GIGYF2: variants seen among roughly 807,000 people sequenced by gnomAD.
GIGYF2 encodes the protein GRB10 interacting GYF protein 2, also known as GRB10-interacting GYF protein 2.
GIGYF2 carries 25 observed loss-of-function variants against 208.1 expected under a neutral mutation model. That is an observed-to-expected ratio of 0.12 (90% CI 0.09 to 0.17). The LOEUF (loss-of-function observed/expected upper bound fraction) is 0.17, where lower values mean the gene tolerates loss of function less well. Among genes scored for constraint, GIGYF2 ranks in the 10% least tolerant of loss-of-function variants. The pLI, the probability that GIGYF2 is intolerant of heterozygous loss-of-function variation, is 1.00. For missense variants in GIGYF2, 1,302 were observed against 1,579.4 expected (o/e 0.82, Z 2.98); for synonymous variants, 534 against 543.8 (o/e 0.98, Z 0.25).
Position 232,826,322 on chromosome 2 carries a change from G to A in GIGYF2, c.2529+6337G>A, listed in dbSNP as rs1417365256. On this transcript the variant is annotated intron_variant, in intron 21 of 28. Coordinates refer to ENST00000373563, the MANE Select transcript of GIGYF2 (RefSeq NM_001103146.3). ...GAACTAATTTACACTCCCACCAACA[G>A]TGTAAAAGCATTCCTATTTCTCCAC... Among the ~76,000 whole-genome samples, 5 of 152,186 alleles carry A rather than the reference G, an allele frequency of 3.3e-5. 1 individual carries two copies. The highest frequency in any genetic ancestry group is 3.3e-4 in the Admixed American group (5 of 15,276).
At chr2:232,855,337 C>T (rs151234664) in intron 28 of GIGYF2, among the ~76,000 whole-genome samples, 2 of 152,322 alleles carry the variant, frequency 1.3e-5, no homozygotes, top group Non-Finnish European at 2.9e-5. Flanking sequence ...ATCCACCCAC[C>T]TCGGCCTCCA....
chr2:232,729,488 A>G (rs1266375086), intron 2 of GIGYF2: 3 of 1,127,742 alleles, frequency 2.7e-6, no homozygotes, highest in East Asian at 5.3e-5. Flanking sequence ...TAACCTCTCA[A>G]GCTTTTATTT....
intron 23 of GIGYF2, among the ~76,000 whole-genome samples, chr2:232,843,215 G>A: frequency 6.7e-6 from 1 of 149,756 alleles, no homozygotes; most frequent in Non-Finnish European, 1.5e-5. Flanking sequence ...GCTTTAGGAA[G>A]TAAACATGTG....
rs112060477 is a variant in GIGYF2 at position 232,853,744 on chromosome 2, C to T, written c.3833-3049C>T. 5.7e-3 allele frequency among the ~76,000 whole-genome samples: 871 copies of T among 152,324 alleles called. 2 individuals are homozygous for T. Among genetic ancestry groups the T allele is most frequent in the African/African-American group, 0.02 (830 of 41,568 alleles). ...CTATGCTCTGAACCTCACAGAATGT[C>T]ATCTTTAGAGCCAGGCATAGTGGAT... On this transcript the variant is annotated intron_variant, in intron 28 of 28. Transcript: ENST00000373563.
At chr2:232,790,220 A>G (rs1700030420) in intron 9 of GIGYF2, among the ~76,000 whole-genome samples, 1 of 152,214 alleles carries the variant, frequency 6.6e-6, no homozygotes, top group African/African-American at 2.4e-5. Context: ...TGAGTTTGAT[A>G]TAAGTCAACA....
intron 3 of GIGYF2, among the ~76,000 whole-genome samples, chr2:232,737,907 CTTTTTTTTTT>C (rs11320395): frequency 3.5e-5 from 3 of 85,218 alleles, no homozygotes; most frequent in African/African-American, 1.4e-4. Context: ...TAAGCTTTAA[CTTTTTTTTTT>C]TTTTTTTTTT....
chr2:232,844,685 C>T (rs943587959), intron 25 of GIGYF2, 111 bp downstream of exon 25: 7 of 741,036 alleles, frequency 9.4e-6, no homozygotes, highest in African/African-American at 8.6e-5. Context: ...TTTTGCTTAC[C>T]GTTTTCATCT....
chr2:232,811,082 CTA>C (rs1700719960), intron 16 of GIGYF2, 160 bp from the exon 17 acceptor site: 2 of 593,934 alleles, frequency 3.4e-6, no homozygotes, highest in Admixed American at 2.7e-5. Context: ...ATAGAATTTT[CTA>C]TGTGTCTATT....
Position 232,741,071 on chromosome 2 carries a change from A to T in GIGYF2, c.41+5833A>T, listed in dbSNP as rs551332621. On this transcript the variant is annotated intron_variant, in intron 3 of 28. Coordinates refer to ENST00000373563, the MANE Select transcript of GIGYF2 (RefSeq NM_001103146.3). Reference sequence around the variant, plus strand: ...TCACTTTGTCATAATGCTGTAAAGGAATTATAATGCAAGCACGGGATATTC... The same window carrying T: ...TCACTTTGTCATAATGCTGTAAAGGTATTATAATGCAAGCACGGGATATTC... Among the ~76,000 whole-genome samples, 4 of 152,344 alleles carry T rather than the reference A, an allele frequency of 2.6e-5. No homozygotes were observed. The South Asian group carries it at 8.3e-4, about 32-fold the overall frequency.
chr2:232,739,964 A>T (rs1464123919), intron 3 of GIGYF2, among the ~76,000 whole-genome samples: 1 of 134,006 alleles, frequency 7.5e-6, no homozygotes, highest in Admixed American at 7.5e-5. Flanking sequence ...AAAAAATTAC[A>T]AAAATTAGCT....
intron 3 of GIGYF2, among the ~76,000 whole-genome samples, chr2:232,739,661 G>A (rs1354078854): frequency 6.6e-6 from 1 of 151,872 alleles, no homozygotes; most frequent in East Asian, 1.9e-4. Flanking sequence ...GATAGAGCAA[G>A]ACCCTGTCTC....
chr2:232,800,799 C>T (rs763825836), intron 14 of GIGYF2, among the ~76,000 whole-genome samples: 6 of 151,930 alleles, frequency 3.9e-5, no homozygotes, highest in Non-Finnish European at 7.4e-5. Context: ...GCCTGTAATC[C>T]TGTTTCCTTG....
At position 232,830,476 on chromosome 2, in the gene GIGYF2, A is replaced by G. The variant is rs1247775695; in HGVS notation, c.2530-2381A>G. Reference sequence around the variant, plus strand: ...GACTTTATTTTCAGAACAGTGTTAGATTTTCAGAGAAACTGGGAATATAAT... The same window carrying G: ...GACTTTATTTTCAGAACAGTGTTAGGTTTTCAGAGAAACTGGGAATATAAT... On this transcript the variant is annotated intron_variant, in intron 21 of 28. Transcript: ENST00000373563. Among the ~76,000 whole-genome samples, 4 of 152,016 alleles carry G rather than the reference A, an allele frequency of 2.6e-5. No individual in the cohort carries two copies. The East Asian group carries it at 7.7e-4, about 29-fold the overall frequency.
At chr2:232,812,355 A>G (rs771579826) in intron 17 of GIGYF2, 36 bp from the exon 18 acceptor site, 1 of 865,054 alleles carries the variant, frequency 1.2e-6, no homozygotes, top group Admixed American at 1.7e-5. Flanking sequence ...CCTGCAAATG[A>G]CAAGAACAAG....
chr2:232,729,988 C>T, intron 2 of GIGYF2: 2 of 735,132 alleles, frequency 2.7e-6, no homozygotes, highest in Non-Finnish European at 5.0e-6. Context: ...TTCTTCACTC[C>T]TGGAAGGCTG....
Position 232,737,060 on chromosome 2 carries a change from A to G in GIGYF2, c.41+1822A>G, listed in dbSNP as rs74830047. ...GTTTCATTGAAAGACAGAGACGTCC[A>G]TTTGCTTCCATATTTTCTGACTGCT... On this transcript the variant is annotated intron_variant, in intron 3 of 28. Transcript: ENST00000373563. 7.9e-4 allele frequency among the ~76,000 whole-genome samples: 121 copies of G among 152,320 alleles called. No individual in the cohort carries two copies. The East Asian group carries it at 0.021, about 26-fold the overall frequency.
intron 2 of GIGYF2, among the ~76,000 whole-genome samples, chr2:232,723,795 C>T (rs1454272637): frequency 2.3e-5 from 3 of 132,136 alleles, no homozygotes; most frequent in African/African-American, 5.7e-5. Flanking sequence ...TGCAGTAGCA[C>T]GATCTCGGCT....
In GIGYF2 at chr2:232,761,878, C is replaced by CA. The variant is rs568782396; in HGVS notation, c.532+453dup. On this transcript the variant is annotated intron_variant, in intron 8 of 28. Transcript: ENST00000373563. ...TTTTTTTCTTGTTTTGTGATGAGAA[C>CA]AAAAAAAAAAATAACTCAGATAAAT... is the stretch of plus-strand genomic sequence containing the variant. Among the ~76,000 whole-genome samples the CA allele has an allele frequency of 3.9e-4, 42 of 107,524 alleles. 1 individual carries two copies. In the South Asian group the frequency reaches 5.4e-3, roughly 14 times the overall value. 70.5% of individuals were successfully genotyped at this position (107,524 alleles called of 152,430 possible). A position where few individuals can be genotyped will look rare whatever the true frequency, so the allele number is the denominator to read the frequency against.
rs566721975 is a variant in GIGYF2 at position 232,858,427 on chromosome 2, T to G, written c.*1567T>G. ...ACAGAGACTGCTACAAAATTGTATA[T>G]AGTTTTTGGATCAAATAGCATGAGG... On this transcript the variant is annotated 3_prime_UTR_variant, in exon 29 of 29. Transcript: ENST00000373563. 2.2e-6 allele frequency: 1 copy of G among 449,106 alleles called. No homozygotes were observed. Among genetic ancestry groups the G allele is most frequent in the South Asian group, 1.6e-5 (1 of 63,050 alleles). The allele number at this position is 449,106 out of a possible 1,614,324, so 27.8% of individuals were successfully genotyped here.
Sources: allele counts gnomAD v4.1 joint callset (sites outside exome capture counted in the v4.1 genomes callset), GRCh38; gene constraint gnomAD v4.1.1; transcripts MANE v1.5; gene names NCBI Gene and HGNC (gene_info 2026-07-23, HGNC 2026-07-21).